The following STAB2 variants were observed in gnomAD, a reference collection of about 807,000 sequenced individuals.
STAB2 encodes stabilin 2.
A neutral mutation model predicts 338.1 loss-of-function variants in STAB2; 288 were observed. The ratio of observed to expected loss-of-function variants is 0.85; its 90% CI spans 0.77 to 0.94. STAB2 has a LOEUF of 0.94. Ranked by LOEUF, STAB2 falls within the 40% of genes least tolerant of loss-of-function variation. The pLI, the probability that STAB2 is intolerant of heterozygous loss-of-function variation, is 0.00. For synonymous variants in STAB2, 1,202 were observed against 1,193.3 expected (o/e 1.01, Z -0.15); for missense variants, 3,141 against 3,210.1 (o/e 0.98, Z 0.52).
chr12:103,761,786 G>A (rs1446081841), intron 66 of STAB2, among the ~76,000 whole-genome samples: 5 of 152,156 alleles, frequency 3.3e-5, no homozygotes, highest in Admixed American at 3.3e-4. Flanking sequence ...CTCCCTCCTG[G>A]GTTTTGGGAA....
At chr12:103,654,998 G>C (rs1358164305) in intron 13 of STAB2, 11 of 556,948 alleles carry the variant, frequency 2.0e-5, no homozygotes, top group East Asian at 1.8e-4. Flanking sequence ...ATAGAGGGCA[G>C]TTATTGCTGC....
intron 5 of STAB2, among the ~76,000 whole-genome samples, chr12:103,629,393 T>C (rs1414910650): frequency 6.6e-6 from 1 of 152,246 alleles, no homozygotes; most frequent in Non-Finnish European, 1.5e-5. Context: ...TCTCCCAGAA[T>C]GGCTCACCCT....
At chr12:103,589,072 A>G (rs1288230632) in intron 1 of STAB2, among the ~76,000 whole-genome samples, 2 of 152,252 alleles carry the variant, frequency 1.3e-5, no homozygotes, top group African/African-American at 4.8e-5. Context: ...CTTCCAGCTA[A>G]AATGAGGATG....
chr12:103,739,548 T>TGC (rs1882414686), intron 54 of STAB2, 80 bp downstream of exon 54: 1 of 845,572 alleles, frequency 1.2e-6, no homozygotes. Context: ...TGTGTGTGTG[T>TGC]GTGTGTGTGT....
intron 5 of STAB2, among the ~76,000 whole-genome samples, chr12:103,625,855 A>G (rs977302820): frequency 2.0e-5 from 3 of 152,168 alleles, no homozygotes; most frequent in Admixed American, 6.5e-5. Context: ...ATGATTTATA[A>G]TCCTCTGGGT....
intron 58 of STAB2, among the ~76,000 whole-genome samples, chr12:103,747,111 C>A (rs181416059): frequency 6.6e-6 from 1 of 151,944 alleles, no homozygotes; most frequent in Non-Finnish European, 1.5e-5. Context: ...CATGCGCCAC[C>A]GCACCTGGCT....
chr12:103,758,048 C>CCCTTTGAA (rs1884265230), intron 63 of STAB2, 122 bp from the exon 64 acceptor site: 2 of 1,406,228 alleles, frequency 1.4e-6, no homozygotes, highest in Non-Finnish European at 1.9e-6. Context: ...AAAGGAGCAG[C>CCCTTTGAA]AGGCTGAGTT....
chr12:103,752,028 C>T (rs550273201), intron 60 of STAB2, among the ~76,000 whole-genome samples: 20 of 152,186 alleles, frequency 1.3e-4, no homozygotes, highest in African/African-American at 4.3e-4. Flanking sequence ...GATTTGCAGC[C>T]GATTTGGTAA....
At chr12:103,730,328 G>A in intron 49 of STAB2, 72 bp downstream of exon 49, 1 of 1,515,068 alleles carries the variant, frequency 6.6e-7, no homozygotes, top group Non-Finnish European at 9.0e-7. Flanking sequence ...CTGATTCGAA[G>A]TCATCATTTT....
intron 17 of STAB2, among the ~76,000 whole-genome samples, chr12:103,661,655 T>C (rs1874631366): frequency 6.6e-6 from 1 of 152,096 alleles, no homozygotes; most frequent in African/African-American, 2.4e-5. Context: ...CTTAGATAAA[T>C]ACTCAAGAAG....
At chr12:103,712,254 G>A in intron 40 of STAB2, 113 bp from the exon 41 acceptor site, 1 of 820,048 alleles carries the variant, frequency 1.2e-6, no homozygotes, top group Non-Finnish European at 2.2e-6. Flanking sequence ...CAGGACTTAT[G>A]AGTGTCTCAT....
At chr12:103,607,013 C>T (rs1046373115) in intron 3 of STAB2, among the ~76,000 whole-genome samples, 18 of 151,452 alleles carry the variant, frequency 1.2e-4, no homozygotes, top group Admixed American at 2.0e-4. Flanking sequence ...AAAACAAAAA[C>T]GAAAAAAAAG....
chr12:103,743,455 A>G (rs1882753062), intron 56 of STAB2, among the ~76,000 whole-genome samples: 1 of 152,220 alleles, frequency 6.6e-6, no homozygotes, highest in Non-Finnish European at 1.5e-5. Context: ...AAGCAGGTAG[A>G]AGGGTGAAGA....
Position 103,640,173 on chromosome 12 carries a change from G to T in STAB2, c.957G>T (p.Gly319=), listed in dbSNP as rs369059792. Residue 319 remains glycine, a synonymous_variant, in exon 9 of 69, where the codon GGG becomes GGT. Coordinates refer to ENST00000388887, the MANE Select transcript of STAB2 (RefSeq NM_017564.10). ...EHYQNFVPGV[G]CSMTDICKSD... ...ACCAGAATTTCGTACCTGGAGTGGGGTGCAGTATGACTGATATATGTAAAT... is the reference window on the plus strand; with the variant it reads ...ACCAGAATTTCGTACCTGGAGTGGGTTGCAGTATGACTGATATATGTAAAT... The T allele has an allele frequency of 1.8e-5, 29 of 1,613,632 alleles. No homozygotes were observed. Among genetic ancestry groups the T allele is most frequent in the African/African-American group, 2.7e-5 (2 of 74,890 alleles).
intron 39 of STAB2, chr12:103,711,253 G>T: frequency 1.7e-6 from 1 of 594,458 alleles, no homozygotes; most frequent in Non-Finnish European, 3.0e-6. Context: ...ACAGGGCCTG[G>T]CAAACAGAAG....
rs141685973 is a variant in STAB2, at chr12:103,749,114, C to T, written c.6396C>T (p.Asn2132=). The change falls in exon 59 of 69, where the codon AAC becomes AAT. Residue 2132 remains asparagine (N), a synonymous_variant. Transcript: ENST00000388887. ...TEIDPCADGL[N]GGCHEHATCK... ...TAGACCCCTGTGCAGACGGCCTTAA[C>T]GGAGGGTGTCACGAGCACGCCACCT... is the stretch of plus-strand genomic sequence containing the variant. 1.9e-5 allele frequency: 31 copies of T among 1,611,610 alleles called. No individual in the cohort carries two copies. The Middle Eastern group carries it at 5.0e-4, about 26-fold the overall frequency.
Position 103,631,607 on chromosome 12 carries a change from G to A in STAB2, c.497G>A (p.Cys166Tyr). 6.2e-7 allele frequency: 1 copy of A among 1,614,128 alleles called. No individual in the cohort carries two copies. The highest frequency in any genetic ancestry group is 8.5e-7 in the Non-Finnish European group (1 of 1,180,002). ...FGPSCSSVCN[C>Y]VHGVCNSGLD... ...CACTTTCTGTCTCCAGTGTGCAACTGTGTGCATGGGGTGTGCAACAGTGGA... is the reference window on the plus strand; with the variant it reads ...CACTTTCTGTCTCCAGTGTGCAACTATGTGCATGGGGTGTGCAACAGTGGA... The change falls in exon 6 of 69, where the codon TGT (cysteine) becomes TAT (tyrosine). Residue 166 changes from cysteine to tyrosine, a missense_variant. Coordinates refer to ENST00000388887, the MANE Select transcript of STAB2 (RefSeq NM_017564.10).
At chr12:103,722,418 C>T (rs564478269) in intron 44 of STAB2, among the ~76,000 whole-genome samples, 1 of 152,224 alleles carries the variant, frequency 6.6e-6, no homozygotes, top group South Asian at 2.1e-4. Context: ...TTCTTGAAGA[C>T]AAGATCAAGG....
intron 9 of STAB2, among the ~76,000 whole-genome samples, chr12:103,643,225 A>G (rs1873053174): frequency 6.6e-6 from 1 of 152,056 alleles, no homozygotes; most frequent in Admixed American, 6.6e-5. Context: ...TCTTGATTTA[A>G]TTATTATACC....
Sources: allele counts gnomAD v4.1 joint callset (sites outside exome capture counted in the v4.1 genomes callset), GRCh38; gene constraint gnomAD v4.1.1; transcripts MANE v1.5; gene names NCBI Gene and HGNC (gene_info 2026-07-23, HGNC 2026-07-21).